IQCJ: variants seen among roughly 807,000 people sequenced by gnomAD.
The protein encoded by IQCJ is IQ domain-containing protein J.
A neutral mutation model predicts 11.0 loss-of-function variants in IQCJ; 9 were observed. The observed-to-expected ratio is 0.82, with a 90% CI of 0.49 to 1.43. IQCJ has a LOEUF of 1.43. Among genes scored for constraint, IQCJ ranks in the 40% most tolerant of loss-of-function variants. The pLI is 0.00. For synonymous variants in IQCJ, 55 were observed against 51.3 expected, an observed-to-expected ratio of 1.07 and a Z score of -0.31; for missense variants, 146 against 133.2, an observed-to-expected ratio of 1.10 and a Z score of -0.47.
intron 1 of IQCJ, among the ~76,000 whole-genome samples, chr3:159,110,387 T>G (rs1380486944): frequency 2.0e-5 from 3 of 152,194 alleles, no homozygotes; most frequent in Non-Finnish European, 4.4e-5. Flanking sequence ...TTTTTTATAC[T>G]TTGTACCTTT....
At chr3:159,130,281 G>T (rs1392179761) in intron 1 of IQCJ, among the ~76,000 whole-genome samples, 1 of 152,056 alleles carries the variant, frequency 6.6e-6, no homozygotes, top group Non-Finnish European at 1.5e-5. Flanking sequence ...GCTTGCTATT[G>T]CTTTTACAAC....
intron 1 of IQCJ, among the ~76,000 whole-genome samples, chr3:159,216,562 G>A (rs148196769): frequency 3.3e-4 from 50 of 152,122 alleles, no homozygotes; most frequent in African/African-American, 1.0e-3. Flanking sequence ...CTCATTAGTC[G>A]GTAACTTAAT....
chr3:159,213,582 G>T (rs1021075598), intron 1 of IQCJ, among the ~76,000 whole-genome samples: 3 of 151,960 alleles, frequency 2.0e-5, no homozygotes, highest in African/African-American at 7.3e-5. Flanking sequence ...GCTTCATATT[G>T]GTATGAGAAA....
At chr3:159,095,020 C>T (rs1488145177) in intron 1 of IQCJ, among the ~76,000 whole-genome samples, 1 of 151,854 alleles carries the variant, frequency 6.6e-6, no homozygotes, top group African/African-American at 2.4e-5. Context: ...CTTCCAAATC[C>T]AGCAACCCAA....
chr3:159,134,523 A>C (rs1229449133), intron 1 of IQCJ, among the ~76,000 whole-genome samples: 2 of 152,198 alleles, frequency 1.3e-5, no homozygotes, highest in African/African-American at 2.4e-5. Context: ...CAAACCCAAG[A>C]GTGACCAGAA....
chr3:159,141,319 A>T (rs964602674), intron 1 of IQCJ, among the ~76,000 whole-genome samples: 4 of 152,204 alleles, frequency 2.6e-5, no homozygotes, highest in Non-Finnish European at 5.9e-5. Flanking sequence ...GAGGAGGTGG[A>T]GGTGAATGAT....
chr3:159,223,602 A>G (rs1238503451), intron 1 of IQCJ, among the ~76,000 whole-genome samples: 2 of 152,196 alleles, frequency 1.3e-5, no homozygotes, highest in East Asian at 1.9e-4. Flanking sequence ...CTGAAATTGA[A>G]TTAGAAATAT....
At chr3:159,189,406 C>T (rs555064854) in intron 1 of IQCJ, among the ~76,000 whole-genome samples, 2 of 152,280 alleles carry the variant, frequency 1.3e-5, no homozygotes, top group African/African-American at 4.8e-5. Flanking sequence ...TTACAGTTTG[C>T]TAACAGCCCC....
intron 1 of IQCJ, among the ~76,000 whole-genome samples, chr3:159,157,406 C>A (rs1721584017): frequency 1.3e-5 from 2 of 152,080 alleles, no homozygotes; most frequent in South Asian, 4.1e-4. Flanking sequence ...TCATGATTGT[C>A]TTTATCTTCT....
intron 1 of IQCJ, among the ~76,000 whole-genome samples, chr3:159,145,434 C>T (rs1053261456): frequency 6.6e-6 from 1 of 152,144 alleles, no homozygotes; most frequent in Non-Finnish European, 1.5e-5. Context: ...ATGCTTTTAT[C>T]ACATAGACAG....
intron 1 of IQCJ, among the ~76,000 whole-genome samples, chr3:159,149,092 T>C (rs1157849630): frequency 6.6e-6 from 1 of 152,204 alleles, no homozygotes; most frequent in Non-Finnish European, 1.5e-5. Flanking sequence ...TTTGCTTACT[T>C]TTAATTTTTA....
At chr3:159,145,578 T>C (rs1720881243) in intron 1 of IQCJ, among the ~76,000 whole-genome samples, 1 of 151,798 alleles carries the variant, frequency 6.6e-6, no homozygotes, top group Middle Eastern at 3.4e-3. Flanking sequence ...AGTATGCTTT[T>C]TTTTTTTTTC....
chr3:159,253,359 A>T (rs1727711228), intron 3 of IQCJ, among the ~76,000 whole-genome samples: 1 of 152,192 alleles, frequency 6.6e-6, no homozygotes, highest in Admixed American at 6.5e-5. Context: ...AGTGCTAACA[A>T]CATCTCAATA....
At chr3:159,188,036 G>A (rs1428042247) in intron 1 of IQCJ, among the ~76,000 whole-genome samples, 1 of 152,090 alleles carries the variant, frequency 6.6e-6, no homozygotes, top group Non-Finnish European at 1.5e-5. Flanking sequence ...AGGAAATTTG[G>A]GCACTATTTG....
chr3:159,102,595 TACTC>T (rs1478946162), intron 1 of IQCJ, among the ~76,000 whole-genome samples: 1 of 152,232 alleles, frequency 6.6e-6, no homozygotes, highest in Non-Finnish European at 1.5e-5. Context: ...TGAGCACTGA[TACTC>T]ACCTGTGGCA....
At chr3:159,190,366 A>G (rs1402343253) in intron 1 of IQCJ, among the ~76,000 whole-genome samples, 1 of 152,256 alleles carries the variant, frequency 6.6e-6, no homozygotes, top group Admixed American at 6.5e-5. Context: ...CTGCCAGGGC[A>G]TGTTTAAAGC....
At chr3:159,210,853 G>T (rs942526036) in intron 1 of IQCJ, among the ~76,000 whole-genome samples, 7 of 152,138 alleles carry the variant, frequency 4.6e-5, no homozygotes, top group African/African-American at 1.7e-4. Context: ...TGTATTTTCA[G>T]TAGAGTTGGG....
chr3:159,150,535 C>T (rs1721150252), intron 1 of IQCJ, among the ~76,000 whole-genome samples: 1 of 151,790 alleles, frequency 6.6e-6, no homozygotes, highest in Non-Finnish European at 1.5e-5. Flanking sequence ...CAGTGAGAGC[C>T]ACGGAGGGTG....
At chr3:159,233,388 G>A (rs1416523950) in intron 1 of IQCJ, among the ~76,000 whole-genome samples, 1 of 152,132 alleles carries the variant, frequency 6.6e-6, no homozygotes, top group African/African-American at 2.4e-5. Flanking sequence ...CTTCAAATAA[G>A]GAAAGTAGAA....
Sources: gnomAD v4.1 joint callset for allele counts (sites outside exome capture counted in the v4.1 genomes callset) on GRCh38, gnomAD v4.1.1 for gene constraint, MANE v1.5 for transcripts, NCBI Gene and HGNC (gene_info 2026-07-23, HGNC 2026-07-21) for gene names.